The following KIAA0825 variants were observed in gnomAD, a reference collection of about 807,000 sequenced individuals.
The protein encoded by KIAA0825 is uncharacterized protein KIAA0825.
In KIAA0825, 119 loss-of-function variants were observed where a neutral mutation model predicts 147.6. The ratio of observed to expected loss-of-function variants is 0.81; its 90% CI spans 0.69 to 0.94. The LOEUF is 0.94. KIAA0825 is among the 40% of genes least tolerant of loss of function. The pLI is 0.00. For synonymous variants in KIAA0825, 470 were observed against 518.1 expected, an observed-to-expected ratio of 0.91 and a Z score of 1.26; for missense variants, 1,381 against 1,472.7, an observed-to-expected ratio of 0.94 and a Z score of 1.02.
intron 20 of KIAA0825, among the ~76,000 whole-genome samples, chr5:94,327,895 A>G (rs374249885): frequency 4.6e-4 from 70 of 152,160 alleles, no homozygotes; most frequent in African/African-American, 1.6e-3. Context: ...AGTCCCAGCT[A>G]CTCAGGAGGC....
At chr5:94,295,264 C>A (rs950071071) in intron 20 of KIAA0825, among the ~76,000 whole-genome samples, 1 of 152,002 alleles carries the variant, frequency 6.6e-6, no homozygotes, top group Non-Finnish European at 1.5e-5. Context: ...TGTTTTTCAA[C>A]TCCATCAGGT....
chr5:94,225,077 AT>A (rs1483969061), intron 20 of KIAA0825, among the ~76,000 whole-genome samples: 1 of 152,170 alleles, frequency 6.6e-6, no homozygotes, highest in African/African-American at 2.4e-5. Context: ...CTCAATATGA[AT>A]CTGCTCTGCA....
intron 1 of KIAA0825, among the ~76,000 whole-genome samples, chr5:94,586,226 C>T (rs901264444): frequency 6.6e-6 from 1 of 151,972 alleles, no homozygotes; most frequent in Non-Finnish European, 1.5e-5. Flanking sequence ...ATAAAAAACC[C>T]TTCAAAAAAA....
intron 20 of KIAA0825, among the ~76,000 whole-genome samples, chr5:94,244,345 G>A (rs1322466972): frequency 1.3e-5 from 2 of 152,044 alleles, no homozygotes; most frequent in Non-Finnish European, 2.9e-5. Flanking sequence ...GGTTTTTTGT[G>A]GGGAGGGAAC....
Position 94,152,857 on chromosome 5 carries a change from T to TAAAA in KIAA0825, c.*1149_*1150insTTTT, listed in dbSNP as rs1766653928. 1 of 1,910 alleles carries TAAAA rather than the reference T, an allele frequency of 5.2e-4. No individual in the cohort carries two copies. Among genetic ancestry groups the TAAAA allele is most frequent in the Non-Finnish European group, 1.1e-3 (1 of 920 alleles). The allele number at this position is 1,910 out of a possible 1,614,324, so 0.1% of individuals were successfully genotyped here. A position where few individuals can be genotyped will look rare whatever the true frequency, so the allele number is the denominator to read the frequency against. On this transcript the variant is annotated 3_prime_UTR_variant, in exon 21 of 21. Transcript: ENST00000682413. ...AAAAAAAAAAAAAAAAAAAAAAAAT[T>TAAAA]ATATATATATATATATATATATATA...
Position 94,584,771 on chromosome 5 carries a change from T to C in KIAA0825, c.-152-2188A>G, listed in dbSNP as rs938473501. Among the ~76,000 whole-genome samples the C allele has an allele frequency of 2.2e-4, 33 of 151,742 alleles. 1 individual carries two copies. The highest frequency in any genetic ancestry group is 1.5e-5 in the Non-Finnish European group (1 of 67,964). ...ACTAAGGTTGAAATGAAGGAAAAAATGTTAAGGACAGCCAGAGAGAAAGGT... is the reference window on the plus strand; with the variant it reads ...ACTAAGGTTGAAATGAAGGAAAAAACGTTAAGGACAGCCAGAGAGAAAGGT... On this transcript the variant is annotated intron_variant, in intron 1 of 20. Transcript: ENST00000682413.
intron 5 of KIAA0825, among the ~76,000 whole-genome samples, chr5:94,485,766 C>T (rs1393999931): frequency 2.0e-5 from 3 of 151,552 alleles, no homozygotes; most frequent in African/African-American, 7.3e-5. Flanking sequence ...TTTTACAAAA[C>T]ACTATATTAA....
intron 20 of KIAA0825, among the ~76,000 whole-genome samples, chr5:94,355,843 T>C (rs1011060008): frequency 1.3e-5 from 2 of 152,246 alleles, no homozygotes; most frequent in African/African-American, 4.8e-5. Flanking sequence ...GGTTTAGGTA[T>C]GTTTGTTAAA....
chr5:94,199,565 G>T (rs1771466840), intron 20 of KIAA0825, among the ~76,000 whole-genome samples: 1 of 152,092 alleles, frequency 6.6e-6, no homozygotes, highest in South Asian at 2.1e-4. Flanking sequence ...TGGGGGCATG[G>T]GTGTGTGTAC....
At chr5:94,542,228 T>C (rs1773467716) in intron 2 of KIAA0825, among the ~76,000 whole-genome samples, 1 of 152,242 alleles carries the variant, frequency 6.6e-6, no homozygotes. Context: ...GAAATGTTCA[T>C]GACTATCAAA....
intron 2 of KIAA0825, among the ~76,000 whole-genome samples, chr5:94,563,070 G>A (rs1240551770): frequency 1.3e-5 from 2 of 152,052 alleles, no homozygotes; most frequent in East Asian, 3.9e-4. Context: ...AGCTGGGCAC[G>A]GTAGCTCACG....
At chr5:94,280,456 C>T (rs905015678) in intron 20 of KIAA0825, among the ~76,000 whole-genome samples, 2 of 152,066 alleles carry the variant, frequency 1.3e-5, no homozygotes, top group Admixed American at 1.3e-4. Flanking sequence ...ATGACACACT[C>T]ATCTTTTGCA....
intron 20 of KIAA0825, among the ~76,000 whole-genome samples, chr5:94,301,677 A>G (rs1778410622): frequency 6.6e-6 from 1 of 152,148 alleles, no homozygotes. Context: ...ATCACCATAA[A>G]TTTCAGGAAA....
chr5:94,367,942 T>C (rs1746106254), intron 20 of KIAA0825, among the ~76,000 whole-genome samples: 1 of 152,222 alleles, frequency 6.6e-6, no homozygotes, highest in African/African-American at 2.4e-5. Context: ...AATGATTAGG[T>C]AAATTGTGCT....
In KIAA0825 at chr5:94,153,979, A is replaced by G; in HGVS notation, c.*28T>C. 6.8e-7 allele frequency: 1 copy of G among 1,462,944 alleles called. No homozygotes were observed. Among genetic ancestry groups the G allele is most frequent in the Non-Finnish European group, 9.4e-7 (1 of 1,066,238 alleles). 90.6% of individuals were successfully genotyped at this position (1,462,944 alleles called of 1,614,324 possible). ...CTCCATTACATGGGATTGTTTCCTA[A>G]AATAAAGCTGTTGCTGTTTTCTGCA... is the stretch of plus-strand genomic sequence containing the variant. On this transcript the variant is annotated 3_prime_UTR_variant, in exon 21 of 21. Transcript: ENST00000682413.
chr5:94,363,553 A>G (rs1007354255), intron 20 of KIAA0825, among the ~76,000 whole-genome samples: 45 of 152,174 alleles, frequency 3.0e-4, no homozygotes, highest in Admixed American at 7.2e-4. Context: ...TTTAACTTCT[A>G]ATGAGCATAT....
chr5:94,367,384 G>A (rs1746018245), intron 20 of KIAA0825, among the ~76,000 whole-genome samples: 1 of 152,142 alleles, frequency 6.6e-6, no homozygotes, highest in Admixed American at 6.5e-5. Context: ...TGTAATCCCA[G>A]CTACTTAGGA....
intron 5 of KIAA0825, among the ~76,000 whole-genome samples, chr5:94,493,303 C>A (rs538834618): frequency 7.9e-5 from 12 of 152,276 alleles, no homozygotes; most frequent in African/African-American, 2.9e-4. Flanking sequence ...ATTCTCTTAG[C>A]CTATTACAAT....
intron 2 of KIAA0825, among the ~76,000 whole-genome samples, chr5:94,554,945 A>G (rs903031081): frequency 1.3e-5 from 2 of 151,378 alleles, no homozygotes; most frequent in African/African-American, 4.8e-5. Context: ...GCCTCTCTAT[A>G]TAGACTTCAA....
Sources: allele counts gnomAD v4.1 joint callset (sites outside exome capture counted in the v4.1 genomes callset), GRCh38; gene constraint gnomAD v4.1.1; transcripts MANE v1.5; gene names NCBI Gene and HGNC (gene_info 2026-07-23, HGNC 2026-07-21).